SAMSN1: variants seen among roughly 807,000 people sequenced by gnomAD.
The protein encoded by SAMSN1 is SAM domain-containing protein SAMSN-1.
In SAMSN1, 31 loss-of-function variants were observed where a neutral mutation model predicts 42.0. The ratio of observed to expected loss-of-function variants is 0.74; its 90% CI spans 0.55 to 1.00. The LOEUF is 1.00. Ranked by LOEUF, SAMSN1 falls within the 50% of genes least tolerant of loss-of-function variation. The pLI is 0.00. For missense variants in SAMSN1, 464 were observed against 439.4 expected (o/e 1.06, Z -0.50); for synonymous variants, 178 against 151.9 (o/e 1.17, Z -1.26).
chr21:14,529,504 A>T (rs946602531), intron 1 of SAMSN1, among the ~76,000 whole-genome samples: 1 of 152,216 alleles, frequency 6.6e-6, no homozygotes, highest in African/African-American at 2.4e-5. Flanking sequence ...AAAGACCATA[A>T]GGGTTTGCAT....
intron 2 of SAMSN1, among the ~76,000 whole-genome samples, chr21:14,557,806 T>C (rs1980812341): frequency 1.3e-5 from 2 of 152,334 alleles, no homozygotes; most frequent in South Asian, 2.1e-4. Context: ...TCTCTGCACT[T>C]GGACTACCAG....
At chr21:14,559,610 C>A (rs924470628) in intron 2 of SAMSN1, among the ~76,000 whole-genome samples, 3 of 152,100 alleles carry the variant, frequency 2.0e-5, no homozygotes, top group Non-Finnish European at 4.4e-5. Flanking sequence ...CTCCAGAGAT[C>A]CTTCTAGTCC....
intron 7 of SAMSN1, among the ~76,000 whole-genome samples, chr21:14,590,801 CT>C (rs1600949257): frequency 6.6e-6 from 1 of 152,160 alleles, no homozygotes; most frequent in African/African-American, 2.4e-5. Flanking sequence ...ACCCCTAAAT[CT>C]ATATCTTCAT....
At chr21:14,633,542 T>C (rs1459389556) in intron 2 of SAMSN1, among the ~76,000 whole-genome samples, 2 of 152,238 alleles carry the variant, frequency 1.3e-5, no homozygotes. Context: ...TCCATTTTAA[T>C]GCTCTTACTA....
chr21:14,574,265 G>T (rs987812967), intron 2 of SAMSN1, among the ~76,000 whole-genome samples: 1 of 152,124 alleles, frequency 6.6e-6, no homozygotes, highest in Non-Finnish European at 1.5e-5. Flanking sequence ...CAACTGTCTT[G>T]TGAAAGCCAA....
At chr21:14,575,443 A>G (rs1981429453) in intron 2 of SAMSN1, among the ~76,000 whole-genome samples, 2 of 152,188 alleles carry the variant, frequency 1.3e-5, no homozygotes, top group African/African-American at 4.8e-5. Flanking sequence ...CAAAATTCTC[A>G]GTCCAGATTA....
At chr21:14,516,740 T>C in intron 3 of SAMSN1, 152 bp downstream of exon 3, 1 of 605,054 alleles carries the variant, frequency 1.7e-6, no homozygotes, top group Non-Finnish European at 2.7e-6. Context: ...ATGAAAGTAA[T>C]ACTTCCTTCC....
chr21:14,492,874 T>C (rs986682723), intron 7 of SAMSN1, among the ~76,000 whole-genome samples: 3 of 152,220 alleles, frequency 2.0e-5, no homozygotes, highest in Non-Finnish European at 2.9e-5. Flanking sequence ...CTCTACTTTG[T>C]GTGGACAGGT....
chr21:14,487,897 C>T (rs910242158), intron 7 of SAMSN1, among the ~76,000 whole-genome samples: 10 of 152,036 alleles, frequency 6.6e-5, no homozygotes, highest in Admixed American at 3.9e-4. Flanking sequence ...ACCATGGAAG[C>T]ATTTTGTGTG....
intron 2 of SAMSN1, among the ~76,000 whole-genome samples, chr21:14,566,215 T>C (rs967571208): frequency 6.6e-6 from 1 of 152,196 alleles, no homozygotes; most frequent in Non-Finnish European, 1.5e-5. Context: ...AATATAGCTA[T>C]CAAATTTACT....
chr21:14,526,502 T>C (rs1246813009), intron 1 of SAMSN1, among the ~76,000 whole-genome samples: 1 of 152,178 alleles, frequency 6.6e-6, no homozygotes, highest in Non-Finnish European at 1.5e-5. Context: ...CTTAAGGCGA[T>C]TCTTTTTTTA....
intron 7 of SAMSN1, among the ~76,000 whole-genome samples, chr21:14,489,938 TA>T (rs1485605754): frequency 1.3e-5 from 2 of 152,156 alleles, no homozygotes; most frequent in African/African-American, 4.8e-5. Context: ...TCAATTATAC[TA>T]AAAGTGAAGA....
At chr21:14,494,485 C>G (rs1986827997) in intron 7 of SAMSN1, among the ~76,000 whole-genome samples, 1 of 152,144 alleles carries the variant, frequency 6.6e-6, no homozygotes, top group Admixed American at 6.5e-5. Flanking sequence ...CATGTTCTCA[C>G]TCACAAGTGG....
At chr21:14,500,756 A>G (rs1987119390) in intron 5 of SAMSN1, 21 bp from the exon 6 acceptor site, 2 of 1,561,216 alleles carry the variant, frequency 1.3e-6, no homozygotes, top group African/African-American at 2.7e-5. Context: ...AGAAATCCAT[A>G]CACATTAGAT....
intron 2 of SAMSN1, among the ~76,000 whole-genome samples, chr21:14,564,567 T>C (rs1422996711): frequency 6.6e-6 from 1 of 152,154 alleles, no homozygotes; most frequent in Non-Finnish European, 1.5e-5. Flanking sequence ...GCCAAACCTG[T>C]CATGCAGAAT....
chr21:14,519,537 G>A (rs979297663), intron 2 of SAMSN1, among the ~76,000 whole-genome samples: 2 of 151,832 alleles, frequency 1.3e-5, no homozygotes, highest in Non-Finnish European at 2.9e-5. Flanking sequence ...TGTGGCCAGG[G>A]GGAGATTTAT....
upstream of SAMSN1, among the ~76,000 whole-genome samples, chr21:14,548,597 G>A (rs1344949350): frequency 1.3e-5 from 2 of 151,770 alleles, no homozygotes; most frequent in Non-Finnish European, 2.9e-5. Flanking sequence ...CTTCAAGTAC[G>A]GGTGGAAAAG....
chr21:14,521,280 T>G, intron 1 of SAMSN1, 59 bp from the exon 2 acceptor site: 2 of 1,121,060 alleles, frequency 1.8e-6, no homozygotes, highest in South Asian at 2.7e-5. Flanking sequence ...CTGTCCAAAC[T>G]GATAAGTATA....
intron 3 of SAMSN1, among the ~76,000 whole-genome samples, chr21:14,514,862 T>C (rs1987834274): frequency 6.6e-6 from 1 of 152,154 alleles, no homozygotes; most frequent in Non-Finnish European, 1.5e-5. Flanking sequence ...TGTATTAATA[T>C]AGCAGATAAG....
Sources: gnomAD v4.1 joint callset for allele counts (sites outside exome capture counted in the v4.1 genomes callset) on GRCh38, gnomAD v4.1.1 for gene constraint, MANE v1.5 for transcripts, NCBI Gene and HGNC (gene_info 2026-07-23, HGNC 2026-07-21) for gene names.